The following LRRC37B variants were observed in gnomAD, a reference collection of about 807,000 sequenced individuals.
LRRC37B encodes leucine rich repeat containing 37B, also known as leucine-rich repeat-containing protein 37B.
A neutral mutation model predicts 98.3 loss-of-function variants in LRRC37B; 28 were observed. The observed-to-expected ratio is 0.28, with a 90% CI of 0.21 to 0.39. The LOEUF (loss-of-function observed/expected upper bound fraction) is 0.39. Ranked by LOEUF, LRRC37B falls within the 10% of genes least tolerant of loss-of-function variation. The pLI, the probability that LRRC37B is intolerant of heterozygous loss-of-function variation, is 1.00. For missense variants in LRRC37B, 938 were observed against 1,182.7 expected (o/e 0.79, Z 3.03); for synonymous variants, 364 against 442.7 (o/e 0.82, Z 2.23).
At chr17:32,011,007 T>A (rs902341583) in intron 1 of LRRC37B, among the ~76,000 whole-genome samples, 95 of 152,100 alleles carry the variant, frequency 6.2e-4, no homozygotes, top group Middle Eastern at 3.4e-3. Flanking sequence ...CACTTTTTTT[T>A]TTTTTTTGAG....
chr17:32,012,611 A>G (rs1910559491), intron 1 of LRRC37B, among the ~76,000 whole-genome samples: 1 of 151,998 alleles, frequency 6.6e-6, no homozygotes, highest in African/African-American at 2.4e-5. Flanking sequence ...AGCTACTTAG[A>G]AGGTTGAGGC....
intron 11 of LRRC37B, chr17:32,050,407 C>T (rs1911719637): frequency 3.6e-6 from 1 of 279,310 alleles, no homozygotes; most frequent in Non-Finnish European, 7.1e-6. Context: ...ATTGGATGTA[C>T]TCACTGAGTC....
chr17:32,012,965 C>T (rs1268445562), intron 1 of LRRC37B, among the ~76,000 whole-genome samples: 14 of 152,082 alleles, frequency 9.2e-5, no homozygotes, highest in African/African-American at 1.2e-4. Flanking sequence ...TGTAGTGAGC[C>T]GAGATCGTGC....
At chr17:32,052,213 G>C (rs1911779978) in intron 11 of LRRC37B, 1 of 149,294 alleles carries the variant, frequency 6.7e-6, no homozygotes. Context: ...TCTTTCTCAG[G>C]GCCTTGTTGT....
Position 32,022,185 on chromosome 17 carries a change from G to C in LRRC37B, c.1120G>C (p.Asp374His), listed in dbSNP as rs770367984. ...GCCCAAGTTTACAGTCAAACCTGCA[G>C]ATGTGGAGGTTACCATGACTTCAGA... is the stretch of plus-strand genomic sequence containing the variant. The change falls in exon 1 of 12, where the codon GAT (aspartate) becomes CAT (histidine). Residue 374 changes from aspartate (D) to histidine (H), a missense_variant. Physicochemically the swap from Asp to His is moderately conservative, Grantham distance 81. Transcript: ENST00000327564. The C allele has an allele frequency of 1.9e-6, 3 of 1,613,602 alleles. No homozygotes were observed. In the South Asian group the frequency reaches 3.3e-5, roughly 18 times the overall value.
chr17:32,050,202 T>A (rs1450809729), intron 11 of LRRC37B, 95 bp downstream of exon 14: 1 of 737,252 alleles, frequency 1.4e-6, no homozygotes, highest in East Asian at 2.6e-5. Flanking sequence ...ACTTTCCCAC[T>A]TGACATTCTT....
chr17:32,046,089 A>T (rs1360483262), intron 8 of LRRC37B, among the ~76,000 whole-genome samples: 5 of 152,170 alleles, frequency 3.3e-5, no homozygotes, highest in African/African-American at 9.7e-5. Context: ...ACATCCACAC[A>T]CTGTGTACTG....
chr17:32,023,076 A>G (rs1910848377), intron 1 of LRRC37B, among the ~76,000 whole-genome samples: 1 of 148,288 alleles, frequency 6.7e-6, no homozygotes, highest in African/African-American at 2.5e-5. Context: ...ACCCCATCAC[A>G]TCATTGCTTA....
intron 7 of LRRC37B, among the ~76,000 whole-genome samples, chr17:32,037,839 G>C (rs1398724079): frequency 6.6e-6 from 1 of 152,050 alleles, no homozygotes; most frequent in Non-Finnish European, 1.5e-5. Context: ...CAGGCATGGT[G>C]GCTCATGCCT....
chr17:32,027,469 CTGTGTGTGTGCTTGTG>C (rs1229610353), intron 2 of LRRC37B, among the ~76,000 whole-genome samples: 3 of 72,770 alleles, frequency 4.1e-5, no homozygotes, highest in African/African-American at 7.0e-5. Context: ...GTGTGCTTGC[CTGTGTGTGTGCTTGTG>C]TGTGGGTGTG....
At chr17:32,009,295 T>C (rs1910477815) in intron 1 of LRRC37B, among the ~76,000 whole-genome samples, 2 of 151,980 alleles carry the variant, frequency 1.3e-5, no homozygotes, top group South Asian at 4.1e-4. Context: ...AGAGTCTTGC[T>C]CTGTTGCCCA....
intron 2 of LRRC37B, among the ~76,000 whole-genome samples, chr17:32,025,973 T>C (rs1910942049): frequency 1.3e-5 from 2 of 152,260 alleles, no homozygotes; most frequent in Admixed American, 1.3e-4. Context: ...TGATCACTCA[T>C]GAATTTAATT....
chr17:32,018,369 C>G (rs1910692024), upstream of LRRC37B, among the ~76,000 whole-genome samples: 1 of 152,148 alleles, frequency 6.6e-6, no homozygotes, highest in South Asian at 2.1e-4. Context: ...GATAACATAG[C>G]CAGTGTAACC....
rs533261264 is a variant in LRRC37B, at chr17:32,025,579, A to C, written c.1832+797A>C. 6.6e-5 allele frequency among the ~76,000 whole-genome samples: 10 copies of C among 152,262 alleles called. No homozygotes were observed. In the South Asian group the frequency reaches 2.1e-3, roughly 32 times the overall value. On this transcript the variant is annotated intron_variant, in intron 2 of 11. Coordinates refer to ENST00000327564, the Ensembl canonical transcript of LRRC37B. ...CAACTTGATTCTTTCACTTCATGGT[A>C]TCACTTATATGATATTCTTTCACTT...
intron 7 of LRRC37B, chr17:32,041,417 C>A (rs1382571969): frequency 4.0e-6 from 3 of 741,082 alleles, no homozygotes; most frequent in Non-Finnish European, 7.5e-6. Flanking sequence ...AGGGTGACGT[C>A]TTCACGCTGA....
At chr17:32,031,562 G>A in intron 5 of LRRC37B, 104 bp downstream of exon 8, 3 of 1,267,620 alleles carry the variant, frequency 2.4e-6, no homozygotes, top group Non-Finnish European at 3.2e-6. Flanking sequence ...TCTGAAAAGT[G>A]TGTCTTAAGA....
chr17:32,026,112 A>G (rs1376174909), intron 2 of LRRC37B, among the ~76,000 whole-genome samples: 1 of 152,224 alleles, frequency 6.6e-6, no homozygotes, highest in East Asian at 1.9e-4. Context: ...GAGACACATA[A>G]ATGATTTTGG....
chr17:32,020,859 A>C (rs1332571254), upstream of LRRC37B: 490 of 674,352 alleles, frequency 7.3e-4, no homozygotes, highest in Middle Eastern at 2.3e-3. Context: ...CCACCCCACC[A>C]CAGCAGGCCG....
At chr17:32,028,086 C>T (rs557535163) in intron 3 of LRRC37B, among the ~76,000 whole-genome samples, 1 of 101,208 alleles carries the variant, frequency 9.9e-6, no homozygotes, top group Non-Finnish European at 2.1e-5. Context: ...CAGTGACTGA[C>T]ACCCATATGA....
Sources: allele counts gnomAD v4.1 joint callset (sites outside exome capture counted in the v4.1 genomes callset), GRCh38; gene constraint gnomAD v4.1.1; transcripts MANE v1.5; gene names NCBI Gene and HGNC (gene_info 2026-07-23, HGNC 2026-07-21).